The following TPCN1 variants were observed in gnomAD, a reference collection of about 807,000 sequenced individuals.
The protein encoded by TPCN1 is two pore channel protein 1.
A neutral mutation model predicts 108.8 loss-of-function variants in TPCN1; 52 were observed. That is an observed-to-expected ratio of 0.48 (90% CI 0.38 to 0.60). TPCN1 has a LOEUF of 0.60. TPCN1 is among the 20% of genes least tolerant of loss of function. TPCN1 has a pLI of 0.00. For missense variants in TPCN1, 806 were observed against 1,072.8 expected (o/e 0.75, Z 3.47); for synonymous variants, 446 against 433.7 (o/e 1.03, Z -0.35).
chr12:113,294,084 T>TTTTTG lies in TPCN1; in HGVS notation c.2334+750_2334+754dup, dbSNP rs555706322. 4.5e-3 allele frequency: 692 copies of TTTTTG among 152,334 alleles called. 6 individuals are homozygous for TTTTTG. Among genetic ancestry groups the TTTTTG allele is most frequent in the African/African-American group, 0.016 (653 of 41,490 alleles). The allele number at this position is 152,334 out of a possible 1,614,324, so 9.4% of individuals were successfully genotyped here. On this transcript the variant is annotated intron_variant, in intron 27 of 27. Coordinates refer to ENST00000335509, the MANE Select transcript of TPCN1 (RefSeq NM_017901.6). ...CTTGGGATTTTTCATAATTGGGTGT[T>TTTTTG]TTTTGTTTTGTTTTGTTTTAGAGAT...
At chr12:113,264,425 T>C (rs745720595) in intron 3 of TPCN1, among the ~76,000 whole-genome samples, 2 of 152,152 alleles carry the variant, frequency 1.3e-5, no homozygotes, top group Non-Finnish European at 2.9e-5. Context: ...ACACCTGTAA[T>C]CCCAGCACTT....
intron 2 of TPCN1, among the ~76,000 whole-genome samples, chr12:113,240,584 C>T (rs1238386504): frequency 6.6e-6 from 1 of 152,136 alleles, no homozygotes; most frequent in Non-Finnish European, 1.5e-5. Flanking sequence ...AACCTTTCCT[C>T]CGTTCTCACA....
intron 13 of TPCN1, 86 bp from the exon 14 acceptor site, chr12:113,278,686 C>T: frequency 9.1e-7 from 1 of 1,098,646 alleles, no homozygotes; most frequent in African/African-American, 1.6e-5. Flanking sequence ...GCAGGGTGAA[C>T]AGGAAAGGAA....
Position 113,290,170 on chromosome 12 carries a change from C to G in TPCN1, c.1839C>G (p.Thr613=). The part of the protein sequence containing the change: ...VADAYRWRNH[T]VGNRTVVEEG... ...ATGCCTACCGCTGGCGCAACCACAC[C>G]GTGGGCAACAGGACCGTGGTGGAGG... Residue 613 remains threonine, a synonymous_variant, in exon 22 of 28, where the codon ACC becomes ACG. Coordinates refer to ENST00000335509, the MANE Select transcript of TPCN1 (RefSeq NM_017901.6). The G allele has an allele frequency of 6.2e-7, 1 of 1,606,840 alleles. No homozygotes were observed. Among genetic ancestry groups the G allele is most frequent in the South Asian group, 1.1e-5 (1 of 89,678 alleles).
intron 2 of TPCN1, among the ~76,000 whole-genome samples, chr12:113,244,962 G>A (rs1954297970): frequency 6.6e-6 from 1 of 152,078 alleles, no homozygotes; most frequent in Non-Finnish European, 1.5e-5. Flanking sequence ...GGTTGTGTGT[G>A]TTTAAGAAAA....
At chr12:113,278,712 C>T (rs1955758752) in intron 13 of TPCN1, 60 bp from the exon 14 acceptor site, 8 of 1,428,924 alleles carry the variant, frequency 5.6e-6, no homozygotes, top group Non-Finnish European at 6.9e-6. Context: ...CATCCTGGCT[C>T]CAGGCAGGGC....
At chr12:113,236,303 T>C (rs1953891079) in intron 2 of TPCN1, among the ~76,000 whole-genome samples, 1 of 152,012 alleles carries the variant, frequency 6.6e-6, no homozygotes, top group African/African-American at 2.4e-5. Flanking sequence ...GGCATCTGAG[T>C]CTCCCACCCC....
At position 113,296,168 on chromosome 12, in the gene TPCN1, ACGTATATG is replaced by A; in HGVS notation, c.*94_*101del. On this transcript the variant is annotated 3_prime_UTR_variant, in exon 28 of 28. Coordinates refer to ENST00000335509, the MANE Select transcript of TPCN1 (RefSeq NM_017901.6). ...AACTGCGGTGTGTGTACACATACTC[ACGTATATG>A]CACATATTTATATACAGGAAGAAAA... 1 of 1,503,688 alleles carries A rather than the reference ACGTATATG, an allele frequency of 6.7e-7. No homozygotes were observed. The highest frequency in any genetic ancestry group is 9.0e-7 in the Non-Finnish European group (1 of 1,109,438). 93.1% of individuals were successfully genotyped at this position (1,503,688 alleles called of 1,614,324 possible).
At chr12:113,256,735 C>T (rs1170032302) in intron 2 of TPCN1, among the ~76,000 whole-genome samples, 3 of 152,076 alleles carry the variant, frequency 2.0e-5, no homozygotes, top group South Asian at 2.1e-4. Flanking sequence ...GATCTCACTG[C>T]GTTGCCCAGG....
rs151001087 is a variant in TPCN1, at chr12:113,296,369, G to A, written c.*293G>A. ...GGAGACCCCTCACCTGGATCCAGTCGACTGCGGGGCTTGCCCCTCATGTGG... is the reference window on the plus strand; with the variant it reads ...GGAGACCCCTCACCTGGATCCAGTCAACTGCGGGGCTTGCCCCTCATGTGG... On this transcript the variant is annotated 3_prime_UTR_variant, in exon 28 of 28. Coordinates refer to ENST00000335509, the MANE Select transcript of TPCN1 (RefSeq NM_017901.6). 43 of 381,902 alleles carry A rather than the reference G, an allele frequency of 1.1e-4. No homozygotes were observed. The highest frequency in any genetic ancestry group is 1.8e-4 in the Non-Finnish European group (38 of 209,886). The allele number at this position is 381,902 out of a possible 1,614,324, so 23.7% of individuals were successfully genotyped here. A position where few individuals can be genotyped will look rare whatever the true frequency, so the allele number is the denominator to read the frequency against.
intron 25 of TPCN1, 77 bp downstream of exon 25, chr12:113,292,035 C>A: frequency 3.2e-6 from 4 of 1,261,358 alleles, no homozygotes; most frequent in Non-Finnish European, 4.6e-6. Context: ...GGGTGGCTGT[C>A]CAGCCAGCCA....
intron 4 of TPCN1, among the ~76,000 whole-genome samples, 199 bp from the exon 5 acceptor site, chr12:113,267,644 T>C (rs1215296364): frequency 6.6e-6 from 1 of 152,144 alleles, no homozygotes; most frequent in Admixed American, 6.5e-5. Flanking sequence ...TTCATGGATA[T>C]CAAGTTTATG....
intron 14 of TPCN1, among the ~76,000 whole-genome samples, chr12:113,279,580 G>T (rs1222423280): frequency 6.7e-6 from 1 of 150,248 alleles, no homozygotes; most frequent in Admixed American, 6.7e-5. Flanking sequence ...GTGTGTGTGT[G>T]TTTTTAGTAG....
chr12:113,238,879 T>G (rs758938084), intron 2 of TPCN1, among the ~76,000 whole-genome samples: 7 of 152,160 alleles, frequency 4.6e-5, no homozygotes, highest in African/African-American at 7.2e-5. Flanking sequence ...CCCTGTAATC[T>G]TAGCACTTTG....
At chr12:113,257,317 C>T (rs1021519248) in intron 2 of TPCN1, among the ~76,000 whole-genome samples, 3 of 152,032 alleles carry the variant, frequency 2.0e-5, no homozygotes, top group African/African-American at 7.2e-5. Context: ...CATGGTGAAA[C>T]GTCTCTACTA....
intron 2 of TPCN1, among the ~76,000 whole-genome samples, chr12:113,233,149 G>A (rs1347542812): frequency 6.6e-6 from 1 of 152,162 alleles, no homozygotes; most frequent in Admixed American, 6.5e-5. Context: ...TTCATGGGGG[G>A]GATCCTGTCT....
At chr12:113,226,115 C>T (rs2136427876) in intron 1 of TPCN1, among the ~76,000 whole-genome samples, 1 of 148,450 alleles carries the variant, frequency 6.7e-6, no homozygotes, top group East Asian at 2.0e-4. Context: ...GAGACAAGGT[C>T]TTGCTATATT....
At chr12:113,244,827 G>A in intron 2 of TPCN1, 2 of 932,150 alleles carry the variant, frequency 2.1e-6, no homozygotes, top group Non-Finnish European at 2.6e-6. Flanking sequence ...TGAGGCTCTG[G>A]GGATTAAGAT....
rs1955570884 is a variant in TPCN1, at chr12:113,273,439, G to A, written c.843-130G>A. On this transcript the variant is annotated intron_variant, in intron 9 of 27. Coordinates refer to ENST00000335509, the MANE Select transcript of TPCN1 (RefSeq NM_017901.6). The surrounding 1 kb of genome is among the most constrained non-coding windows in gnomAD (Gnocchi z 4.0). ...GTTGGCCCACTGAGCACGGAGCCCA[G>A]GGATGAGAGTAGGGGAACCAGGGTT... is the stretch of plus-strand genomic sequence containing the variant. 8.1e-7 allele frequency: 1 copy of A among 1,238,898 alleles called. No individual in the cohort carries two copies. The highest frequency in any genetic ancestry group is 1.5e-5 in the African/African-American group (1 of 67,532). 76.7% of individuals were successfully genotyped at this position (1,238,898 alleles called of 1,614,324 possible). A position where few individuals can be genotyped will look rare whatever the true frequency, so the allele number is the denominator to read the frequency against.
Sources: allele counts gnomAD v4.1 joint callset (sites outside exome capture counted in the v4.1 genomes callset), GRCh38; gene constraint gnomAD v4.1.1; non-coding constraint Gnocchi (gnomAD v3.1); transcripts MANE v1.5; gene names NCBI Gene and HGNC (gene_info 2026-07-23, HGNC 2026-07-21).